Variants in MACROD2 observed in about 807,000 individuals in gnomAD.
MACROD2 encodes the protein mono-ADP ribosylhydrolase 2.
MACROD2 carries 36 observed loss-of-function variants against 70.4 expected under a neutral mutation model. The observed-to-expected ratio is 0.51, with a 90% CI of 0.39 to 0.68. The LOEUF (loss-of-function observed/expected upper bound fraction) is 0.68. MACROD2 is among the 30% of genes least tolerant of loss of function. The pLI is 0.00. For missense variants in MACROD2, 496 were observed against 538.4 expected (o/e 0.92, Z 0.78); for synonymous variants, 172 against 178.8 (o/e 0.96, Z 0.30).
At chr20:15,684,599 A>G (rs1441744159) in intron 8 of MACROD2, among the ~76,000 whole-genome samples, 1 of 152,196 alleles carries the variant, frequency 6.6e-6, no homozygotes, top group East Asian at 1.9e-4. Flanking sequence ...ACCAACTCAT[A>G]AGGTTTAACA....
intron 5 of MACROD2, among the ~76,000 whole-genome samples, chr20:14,899,732 T>G (rs1451561438): frequency 6.6e-6 from 1 of 152,146 alleles, no homozygotes; most frequent in Non-Finnish European, 1.5e-5. Context: ...ATTCAACCCA[T>G]AGCAGCTTCT....
chr20:14,246,903 G>A (rs758303982), intron 3 of MACROD2, among the ~76,000 whole-genome samples: 85 of 152,086 alleles, frequency 5.6e-4, no homozygotes, highest in Non-Finnish European at 9.0e-4. Flanking sequence ...AAAGTTAGGG[G>A]CCTCATTTCC....
At chr20:15,460,919 T>G (rs1394406944) in intron 7 of MACROD2, among the ~76,000 whole-genome samples, 1 of 148,840 alleles carries the variant, frequency 6.7e-6, no homozygotes, top group African/African-American at 2.5e-5. Context: ...GTGGAGAAGA[T>G]GAATGAGTCC....
At chr20:15,990,444 T>C (rs2066542654) in intron 15 of MACROD2, among the ~76,000 whole-genome samples, 1 of 152,316 alleles carries the variant, frequency 6.6e-6, no homozygotes. Flanking sequence ...ATATGTTTTA[T>C]TATGATATAT....
intron 3 of MACROD2, among the ~76,000 whole-genome samples, chr20:14,148,954 A>G (rs963147497): frequency 3.9e-5 from 6 of 152,012 alleles, no homozygotes; most frequent in African/African-American, 1.4e-4. Flanking sequence ...TCCTTAACAT[A>G]GCACACTTTT....
intron 8 of MACROD2, among the ~76,000 whole-genome samples, chr20:15,849,454 G>A (rs1397891471): frequency 6.6e-6 from 1 of 152,174 alleles, no homozygotes; most frequent in African/African-American, 2.4e-5. Context: ...ACGATTGCAC[G>A]GTTATGCAGT....
chr20:14,325,972 G>A lies in MACROD2; in HGVS notation c.272-167507G>A. 1 of 1,613,918 alleles carries A rather than the reference G, an allele frequency of 6.2e-7. No individual in the cohort carries two copies. Among genetic ancestry groups the A allele is most frequent in the African/African-American group, 1.3e-5 (1 of 75,022 alleles). ...TTCTTTCTCTTGCTCTCGATTGAGG[G>A]TGGTTGTAGGGTTGTACATTCGAAG... On this transcript the variant is annotated intron_variant, in intron 3 of 17. Coordinates refer to ENST00000684519, the MANE Select transcript of MACROD2 (RefSeq NM_001351661.2).
intron 6 of MACROD2, among the ~76,000 whole-genome samples, chr20:15,327,004 A>T (rs2146182366): frequency 6.6e-6 from 1 of 152,322 alleles, no homozygotes; most frequent in Non-Finnish European, 1.5e-5. Context: ...ACAACAAAAT[A>T]CAGATTAATA....
At chr20:15,085,885 C>CACACA (rs1184291806) in intron 5 of MACROD2, among the ~76,000 whole-genome samples, 6 of 150,666 alleles carry the variant, frequency 4.0e-5, no homozygotes, top group African/African-American at 1.5e-4. Context: ...CACACACACA[C>CACACA]ACACACACAC....
At chr20:14,045,432 C>A (rs2053459028) in intron 2 of MACROD2, among the ~76,000 whole-genome samples, 1 of 152,252 alleles carries the variant, frequency 6.6e-6, no homozygotes, top group African/African-American at 2.4e-5. Flanking sequence ...AGCCTGCCTT[C>A]ATAAGGGTAT....
At chr20:14,789,683 C>A (rs1338355929) in intron 5 of MACROD2, among the ~76,000 whole-genome samples, 3 of 151,210 alleles carry the variant, frequency 2.0e-5, no homozygotes, top group Non-Finnish European at 4.4e-5. Context: ...ACTATGTTAG[C>A]CAGGTTGTTC....
chr20:14,523,574 G>GT lies in MACROD2; in HGVS notation c.301+30068dup, dbSNP rs1171793845. 7 of 152,270 alleles carry GT rather than the reference G, an allele frequency of 4.6e-5. No homozygotes were observed. The East Asian group carries it at 1.4e-3, about 29-fold the overall frequency. The allele number at this position is 152,270 out of a possible 1,614,324, so 9.4% of individuals were successfully genotyped here. A position where few individuals can be genotyped will look rare whatever the true frequency, so the allele number is the denominator to read the frequency against. On this transcript the variant is annotated intron_variant, in intron 4 of 17. Coordinates refer to ENST00000684519, the MANE Select transcript of MACROD2 (RefSeq NM_001351661.2). ...CTTCACCTAGGGTTCCTGGGCTCCTGTTGGGCCTCACTGGAAGCTCCTAGG... is the reference window on the plus strand; with the variant it reads ...CTTCACCTAGGGTTCCTGGGCTCCTGTTTGGGCCTCACTGGAAGCTCCTAGG...
intron 3 of MACROD2, among the ~76,000 whole-genome samples, chr20:14,369,742 A>G (rs1463074331): frequency 6.6e-6 from 1 of 152,140 alleles, no homozygotes; most frequent in Non-Finnish European, 1.5e-5. Context: ...GCATATATTT[A>G]TTTTAGAATA....
intron 8 of MACROD2, among the ~76,000 whole-genome samples, chr20:15,566,321 C>T (rs1469379979): frequency 9.9e-5 from 15 of 151,882 alleles, no homozygotes; most frequent in Admixed American, 9.2e-4. Flanking sequence ...CACCCCCCAC[C>T]GTCTCTACTA....
intron 7 of MACROD2, among the ~76,000 whole-genome samples, chr20:15,483,272 C>G (rs1036161320): frequency 2.0e-5 from 3 of 152,144 alleles, no homozygotes; most frequent in African/African-American, 7.2e-5. Flanking sequence ...CCATTTCTTG[C>G]ATGTGATTGT....
intron 5 of MACROD2, among the ~76,000 whole-genome samples, chr20:15,227,831 T>TTTTTG (rs1555794530): frequency 3.2e-5 from 4 of 126,022 alleles, no homozygotes; most frequent in African/African-American, 9.5e-5. Context: ...CTGTTTTTTT[T>TTTTTG]TTTTTTTTTT....
At chr20:15,840,695 T>C (rs1456239281) in intron 8 of MACROD2, among the ~76,000 whole-genome samples, 3 of 152,130 alleles carry the variant, frequency 2.0e-5, no homozygotes, top group Non-Finnish European at 4.4e-5. Context: ...AAGAAATGGC[T>C]ACTGACTGTA....
chr20:14,074,779 T>C (rs1456408126), intron 2 of MACROD2, among the ~76,000 whole-genome samples: 1 of 152,192 alleles, frequency 6.6e-6, no homozygotes, highest in Non-Finnish European at 1.5e-5. Context: ...TTAGTTTTGC[T>C]TTCTGCAGTT....
intron 5 of MACROD2, among the ~76,000 whole-genome samples, chr20:14,797,237 T>G (rs182654474): frequency 5.6e-4 from 85 of 152,160 alleles, no homozygotes; most frequent in Admixed American, 2.9e-3. Context: ...TTCAACCCAT[T>G]TCCTAGACCG....
Sources: allele counts gnomAD v4.1 joint callset (sites outside exome capture counted in the v4.1 genomes callset), GRCh38; gene constraint gnomAD v4.1.1; transcripts MANE v1.5; gene names NCBI Gene and HGNC (gene_info 2026-07-23, HGNC 2026-07-21).